EFCAB6: variants seen among roughly 807,000 people sequenced by gnomAD.
EFCAB6 encodes the protein EF-hand calcium binding domain 6, also known as EF-hand calcium-binding domain-containing protein 6.
Under a neutral mutation model 169.8 loss-of-function variants are expected in EFCAB6, and 156 were observed. The ratio of observed to expected loss-of-function variants is 0.92; its 90% CI spans 0.81 to 1.05. EFCAB6 has a LOEUF of 1.05. Ranked by LOEUF, EFCAB6 falls within the 50% of genes least tolerant of loss-of-function variation. The pLI, the probability that EFCAB6 is intolerant of heterozygous loss-of-function variation, is 0.00. For missense variants in EFCAB6, 1,800 were observed against 1,829.1 expected (o/e 0.98, Z 0.29); for synonymous variants, 698 against 676.4 (o/e 1.03, Z -0.50).
chr22:43,711,010 CA>C (rs774538399), intron 10 of EFCAB6, among the ~76,000 whole-genome samples: 112 of 152,262 alleles, frequency 7.4e-4, no homozygotes, highest in South Asian at 3.3e-3. Context: ...TGTGAAAAAT[CA>C]ACCAGTTGAA....
chr22:43,654,333 A>C (rs1042365397), intron 17 of EFCAB6, among the ~76,000 whole-genome samples: 1 of 152,240 alleles, frequency 6.6e-6, no homozygotes, highest in African/African-American at 2.4e-5. Context: ...CAAAGACGAA[A>C]ATCTTTCCAA....
chr22:43,562,965 G>A (rs1446901166), intron 26 of EFCAB6, among the ~76,000 whole-genome samples: 1 of 152,154 alleles, frequency 6.6e-6, no homozygotes, highest in Non-Finnish European at 1.5e-5. Flanking sequence ...GGTAGGCACA[G>A]CACGGCCGCC....
intron 22 of EFCAB6, among the ~76,000 whole-genome samples, chr22:43,602,400 T>A (rs1231944806): frequency 6.6e-6 from 1 of 152,198 alleles, no homozygotes; most frequent in Admixed American, 6.5e-5. Flanking sequence ...AGCAGCACCA[T>A]CAGGGGCAAG....
intron 10 of EFCAB6, among the ~76,000 whole-genome samples, chr22:43,700,312 ATC>A (rs143778381): frequency 0.083 from 12,690 of 152,258 alleles, 654 homozygotes; most frequent in South Asian, 0.17. Context: ...TCAAAAAGAT[ATC>A]TGTTTTTTGT....
intron 18 of EFCAB6, 56 bp from the exon 19 acceptor site, chr22:43,632,294 C>CTTCT (rs2055020203): frequency 1.8e-6 from 2 of 1,128,400 alleles, no homozygotes; most frequent in East Asian, 3.4e-5. Context: ...TTCATTCCTT[C>CTTCT]TTTTTTTTTT....
chr22:43,654,512 G>A (rs956587078), intron 17 of EFCAB6, among the ~76,000 whole-genome samples: 2 of 152,220 alleles, frequency 1.3e-5, no homozygotes, highest in African/African-American at 4.8e-5. Context: ...CCGCCTCTGC[G>A]GTCTTCCTTC....
chr22:43,615,004 G>A (rs1479645788), intron 21 of EFCAB6, among the ~76,000 whole-genome samples: 3 of 152,214 alleles, frequency 2.0e-5, no homozygotes, highest in Non-Finnish European at 4.4e-5. Context: ...AGGAGGTTGG[G>A]TAGAGACAGT....
At chr22:43,555,140 G>C (rs764315363) in intron 26 of EFCAB6, 44 bp from the exon 27 acceptor site, 2 of 1,600,326 alleles carry the variant, frequency 1.2e-6, no homozygotes, top group Non-Finnish European at 1.7e-6. Context: ...AGAAATAATC[G>C]ACCACCTCTT....
At chr22:43,580,859 G>A (rs2050676303) in intron 24 of EFCAB6, among the ~76,000 whole-genome samples, 200 bp from the exon 25 acceptor site, 1 of 152,192 alleles carries the variant, frequency 6.6e-6, no homozygotes, top group African/African-American at 2.4e-5. Context: ...AGAGGACACA[G>A]GGTGATGAGA....
At chr22:43,652,960 T>G (rs540867926) in intron 17 of EFCAB6, among the ~76,000 whole-genome samples, 3 of 152,066 alleles carry the variant, frequency 2.0e-5, no homozygotes, top group Non-Finnish European at 4.4e-5. Flanking sequence ...AATTAAGAAC[T>G]CGGTGAGTAC....
At position 43,682,806 on chromosome 22, in the gene EFCAB6, G is replaced by T. The variant is rs535578119; in HGVS notation, c.1251+941C>A. ...CACATAGTAAGCACTCAACATTATT[G>T]TTCATTCAGAGAGACCAAGTCACAT... On this transcript the variant is annotated intron_variant, in intron 12 of 31. Transcript: ENST00000262726. 5.1e-4 allele frequency among the ~76,000 whole-genome samples: 77 copies of T among 152,294 alleles called. 1 individual carries two copies. The highest frequency in any genetic ancestry group is 1.5e-4 in the Non-Finnish European group (10 of 68,022).
In EFCAB6 at chr22:43,628,320, C is replaced by G. The variant is rs1296133435; in HGVS notation, c.2233-1641G>C. Among the ~76,000 whole-genome samples the G allele has an allele frequency of 1.3e-5, 2 of 152,134 alleles. No homozygotes were observed. The highest frequency in any genetic ancestry group is 4.8e-5 in the African/African-American group (2 of 41,434). On this transcript the variant is annotated intron_variant, in intron 19 of 31. Coordinates refer to ENST00000262726, the MANE Select transcript of EFCAB6 (RefSeq NM_022785.4). This position sits in a 1 kb window ranked among gnomAD's most constrained non-coding sequence, Gnocchi z 4.8. Reference sequence around the variant, plus strand: ...ACCCACATCCAGTCTGCCCACACATCCCGCTGGCTCTCCCTTCAGAGTGCA... The same window carrying G: ...ACCCACATCCAGTCTGCCCACACATGCCGCTGGCTCTCCCTTCAGAGTGCA...
chr22:43,728,949 T>C (rs2059838101), intron 8 of EFCAB6, among the ~76,000 whole-genome samples: 2 of 152,246 alleles, frequency 1.3e-5, no homozygotes, highest in Admixed American at 1.3e-4. Flanking sequence ...TTCACTGCAA[T>C]TGCATTTGGT....
chr22:43,680,212 T>C (rs1298977362), intron 12 of EFCAB6, among the ~76,000 whole-genome samples: 1 of 152,194 alleles, frequency 6.6e-6, no homozygotes, highest in African/African-American at 2.4e-5. Context: ...TTAACAGATA[T>C]TTTCCTTTCC....
rs567440671 is a variant in EFCAB6 at position 43,684,765 on chromosome 22, A to G, written c.1143-910T>C. ...TTGTTAGAACCTTCTTTTTCTATAG[A>G]CGGCCAGCACTGGCATGAAGAGATG... On this transcript the variant is annotated intron_variant, in intron 11 of 31. Transcript: ENST00000262726. Among the ~76,000 whole-genome samples the G allele has an allele frequency of 5.3e-5, 8 of 152,276 alleles. No homozygotes were observed. The East Asian group carries it at 1.5e-3, about 29-fold the overall frequency.
At chr22:43,755,673 G>C in intron 6 of EFCAB6, 93 bp downstream of exon 6, 1 of 1,130,418 alleles carries the variant, frequency 8.8e-7, no homozygotes, top group East Asian at 2.6e-5. Context: ...GGATGACAAG[G>C]TGTGGCTCAT....
chr22:43,615,747 G>A, intron 21 of EFCAB6, 79 bp downstream of exon 21: 1 of 1,285,768 alleles, frequency 7.8e-7, no homozygotes, highest in African/African-American at 1.5e-5. Context: ...GTCTGGATCT[G>A]AACAGCTTCA....
At chr22:43,794,630 C>T (rs973688803) in intron 2 of EFCAB6, among the ~76,000 whole-genome samples, 43 of 152,122 alleles carry the variant, frequency 2.8e-4, no homozygotes, top group African/African-American at 1.9e-4. Flanking sequence ...GTTTGCAAAA[C>T]GGTTTAACAA....
intron 17 of EFCAB6, among the ~76,000 whole-genome samples, chr22:43,636,412 G>A (rs1465823481): frequency 1.3e-5 from 2 of 152,086 alleles, no homozygotes; most frequent in Non-Finnish European, 2.9e-5. Context: ...CTTAGTGCCC[G>A]TGTGTGCCAG....
Sources: gnomAD v4.1 joint callset for allele counts (sites outside exome capture counted in the v4.1 genomes callset) on GRCh38, gnomAD v4.1.1 for gene constraint, Gnocchi (gnomAD v3.1) non-coding constraint, MANE v1.5 for transcripts, NCBI Gene and HGNC (gene_info 2026-07-23, HGNC 2026-07-21) for gene names.